Variants in TENM3 observed in about 807,000 individuals in gnomAD.
TENM3 encodes teneurin-3.
TENM3 carries 63 observed loss-of-function variants against 255.1 expected under a neutral mutation model. The observed-to-expected ratio is 0.25, with a 90% CI of 0.20 to 0.30. The LOEUF (loss-of-function observed/expected upper bound fraction) is 0.30. Ranked by LOEUF, TENM3 falls within the 10% of genes least tolerant of loss-of-function variation. The pLI is 1.00. For synonymous variants in TENM3, 1,306 were observed against 1,322.3 expected, an observed-to-expected ratio of 0.99 and a Z score of 0.27; for missense variants, 2,929 against 3,461.1, an observed-to-expected ratio of 0.85 and a Z score of 3.86.
the TENM3 span, among the ~76,000 whole-genome samples, chr4:182,118,886 C>T: frequency 6.6e-6 from 1 of 152,122 alleles, no homozygotes; most frequent in East Asian, 1.9e-4. Context: ...TGTCTCTGTG[C>T]TCATGAGAGA....
At chr4:182,095,724 A>G in the TENM3 span, among the ~76,000 whole-genome samples, 10 of 151,144 alleles carry the variant, frequency 6.6e-5, no homozygotes, top group Non-Finnish European at 1.3e-4. Context: ...GTGGAATTGA[A>G]AAGTTCCTAA....
At chr4:182,583,997 A>G (rs1373259597) in intron 3 of TENM3, among the ~76,000 whole-genome samples, 3 of 152,210 alleles carry the variant, frequency 2.0e-5, no homozygotes. Flanking sequence ...TTCCAAATAG[A>G]TGATTTTTTA....
chr4:182,554,478 G>A (rs1742385189), intron 3 of TENM3, among the ~76,000 whole-genome samples: 1 of 152,078 alleles, frequency 6.6e-6, no homozygotes, highest in Non-Finnish European at 1.5e-5. Flanking sequence ...AAATGCATCA[G>A]GAAAAGAGGG....
At chr4:181,558,316 G>A in the TENM3 span, among the ~76,000 whole-genome samples, 1 of 152,190 alleles carries the variant, frequency 6.6e-6, no homozygotes, top group Non-Finnish European at 1.5e-5. Context: ...TCCTGTCAAA[G>A]CACAGATCAC....
chr4:182,792,536 G>C lies in TENM3; in HGVS notation c.5864G>C (p.Arg1955Thr). Residue 1955 changes from arginine to threonine, a missense_variant, in exon 26 of 28, where the codon AGG (arginine) becomes ACG (threonine). Coordinates refer to ENST00000511685, the MANE Select transcript of TENM3 (RefSeq NM_001080477.4). This position sits in a 1 kb window ranked among gnomAD's most constrained non-coding sequence, Gnocchi z 6.3. The stretch of plus-strand genomic sequence containing the variant: ...TTATTCAAATACAGAAGGCAGACTA[G>C]GCTCTCAGAAATTTTATATGATAGC... ...RVLFKYRRQT[R>T]LSEILYDSTR... is the part of the protein sequence containing the mutation. 2 of 1,614,020 alleles carry C rather than the reference G, an allele frequency of 1.2e-6. No individual in the cohort carries two copies. The highest frequency in any genetic ancestry group is 2.2e-5 in the South Asian group (2 of 91,084).
chr4:181,654,208 T>C, the TENM3 span, among the ~76,000 whole-genome samples: 1 of 145,728 alleles, frequency 6.9e-6, no homozygotes, highest in Non-Finnish European at 1.5e-5. Context: ...TAAACCTTCC[T>C]CTGATTCTCT....
chr4:182,421,652 A>G (rs1325120050), intron 3 of TENM3, among the ~76,000 whole-genome samples: 1 of 152,188 alleles, frequency 6.6e-6, no homozygotes, highest in East Asian at 1.9e-4. Context: ...GAAAACTCAG[A>G]TTTCTGCTCT....
intron 1 of TENM3, among the ~76,000 whole-genome samples, chr4:182,258,347 A>C (rs1221492065): frequency 6.6e-6 from 1 of 152,230 alleles, no homozygotes; most frequent in Non-Finnish European, 1.5e-5. Context: ...ACTTCATTAG[A>C]CAATTAATAA....
At chr4:181,664,237 G>C in the TENM3 span, among the ~76,000 whole-genome samples, 1 of 152,246 alleles carries the variant, frequency 6.6e-6, no homozygotes, top group African/African-American at 2.4e-5. Flanking sequence ...GGAAGCCAAG[G>C]AGGGTGGATT....
the TENM3 span, among the ~76,000 whole-genome samples, chr4:182,082,797 A>T: frequency 3.3e-5 from 5 of 152,362 alleles, no homozygotes; most frequent in African/African-American, 1.2e-4. Flanking sequence ...TAAAGTGTGC[A>T]TGTCTATGAA....
At chr4:182,271,718 A>T (rs1245202659) in intron 1 of TENM3, among the ~76,000 whole-genome samples, 3 of 152,236 alleles carry the variant, frequency 2.0e-5, no homozygotes, top group Non-Finnish European at 4.4e-5. Flanking sequence ...AACGGTAATT[A>T]ATTCTCACAG....
chr4:182,651,543 A>G (rs1225581560), intron 5 of TENM3, among the ~76,000 whole-genome samples: 1 of 152,084 alleles, frequency 6.6e-6, no homozygotes, highest in South Asian at 2.1e-4. Flanking sequence ...AAAAAATACA[A>G]AAAATTAGCT....
At chr4:181,593,491 G>T in the TENM3 span, among the ~76,000 whole-genome samples, 1 of 152,218 alleles carries the variant, frequency 6.6e-6, no homozygotes, top group African/African-American at 2.4e-5. Context: ...GTTAGGAAAA[G>T]TTGATAAGTA....
the TENM3 span, among the ~76,000 whole-genome samples, chr4:181,457,968 G>T: frequency 2.6e-5 from 4 of 151,796 alleles, no homozygotes; most frequent in African/African-American, 9.7e-5. Context: ...TTAAAATTAA[G>T]TATACCTATG....
intron 3 of TENM3, among the ~76,000 whole-genome samples, chr4:182,553,995 GT>G (rs1389181573): frequency 1.3e-5 from 2 of 152,146 alleles, no homozygotes; most frequent in East Asian, 1.9e-4. Context: ...AGGTATCTCA[GT>G]TTTTTTCTTC....
Position 182,730,810 on chromosome 4 carries a change from A to G in TENM3, c.2706-68A>G. ...TTTTCTTTATAAAGCATATTAACTT[A>G]AGGAGGTGTGTATTGGTAGTTATGT... On this transcript the variant is annotated intron_variant, in intron 15 of 27. Coordinates refer to ENST00000511685, the MANE Select transcript of TENM3 (RefSeq NM_001080477.4). 5.2e-6 allele frequency: 8 copies of G among 1,527,204 alleles called. No individual in the cohort carries two copies. In the South Asian group the frequency reaches 9.6e-5, roughly 18 times the overall value. 94.6% of individuals were successfully genotyped at this position (1,527,204 alleles called of 1,614,324 possible).
the TENM3 span, among the ~76,000 whole-genome samples, chr4:181,588,173 C>G: frequency 6.6e-6 from 1 of 152,180 alleles, no homozygotes; most frequent in Non-Finnish European, 1.5e-5. Context: ...GGCCTCTGCT[C>G]GCAGTCCCGC....
At chr4:182,753,395 A>C in intron 20 of TENM3, 55 bp from the exon 21 acceptor site, 2 of 1,475,956 alleles carry the variant, frequency 1.4e-6, no homozygotes, top group African/African-American at 1.4e-5. Context: ...CCTAATAGTT[A>C]ATCAAAAGTA....
At chr4:181,936,810 C>A in the TENM3 span, among the ~76,000 whole-genome samples, 1 of 151,830 alleles carries the variant, frequency 6.6e-6, no homozygotes, top group Non-Finnish European at 1.5e-5. Flanking sequence ...AAGCCCAGGA[C>A]TAAAACAAGC....
Sources: gnomAD v4.1 joint callset for allele counts (sites outside exome capture counted in the v4.1 genomes callset) on GRCh38, gnomAD v4.1.1 for gene constraint, Gnocchi (gnomAD v3.1) non-coding constraint, MANE v1.5 for transcripts, NCBI Gene and HGNC (gene_info 2026-07-23, HGNC 2026-07-21) for gene names.